The following MARCHF3 variants were observed in gnomAD, a reference collection of about 807,000 sequenced individuals.
The protein encoded by MARCHF3 is membrane associated ring-CH-type finger 3.
In MARCHF3, 13 loss-of-function variants were observed where a neutral mutation model predicts 24.2. The ratio of observed to expected loss-of-function variants is 0.54; its 90% confidence interval spans 0.35 to 0.85. The LOEUF is 0.85. Among genes scored for constraint, MARCHF3 ranks in the 40% least tolerant of loss-of-function variants. MARCHF3 has a pLI of 0.01. For synonymous variants in MARCHF3, 144 were observed against 137.3 expected (o/e 1.05, Z -0.34); for missense variants, 276 against 325.0 (o/e 0.85, Z 1.16).
At chr5:126,989,584 C>T (rs1041345357) in intron 1 of MARCHF3, among the ~76,000 whole-genome samples, 51 of 152,216 alleles carry the variant, frequency 3.4e-4, no homozygotes, top group African/African-American at 1.2e-3. Flanking sequence ...AATAGCTCCA[C>T]AGGCAGGGGC....
At chr5:127,027,011 C>T (rs1397074353) in intron 1 of MARCHF3, among the ~76,000 whole-genome samples, 2 of 152,152 alleles carry the variant, frequency 1.3e-5, no homozygotes, top group Non-Finnish European at 2.9e-5. Context: ...CTGATAGATC[C>T]TTTCTCTTTC....
chr5:127,021,351 AT>A (rs1488524805), intron 1 of MARCHF3, among the ~76,000 whole-genome samples: 1 of 152,228 alleles, frequency 6.6e-6, no homozygotes, highest in Non-Finnish European at 1.5e-5. Flanking sequence ...AAGAAACCAA[AT>A]TAACCATTCC....
chr5:127,013,876 C>T (rs962692266), intron 1 of MARCHF3, among the ~76,000 whole-genome samples: 34 of 152,052 alleles, frequency 2.2e-4, no homozygotes, highest in African/African-American at 8.0e-4. Flanking sequence ...TAGATCCTAC[C>T]TCTGCCCCTA....
intron 1 of MARCHF3, among the ~76,000 whole-genome samples, chr5:127,022,622 C>A (rs571720892): frequency 6.6e-6 from 1 of 152,294 alleles, no homozygotes; most frequent in Admixed American, 6.5e-5. Context: ...GTTCTACACT[C>A]TCATCTGGAA....
chr5:126,962,813 CTGTGTG>C (rs60754212), intron 1 of MARCHF3, among the ~76,000 whole-genome samples: 1 of 110,024 alleles, frequency 9.1e-6, no homozygotes, highest in Admixed American at 1.0e-4. Context: ...AATACTCAAC[CTGTGTG>C]TGTGTGTGTG....
At chr5:127,013,461 T>G (rs1344385622) in intron 1 of MARCHF3, among the ~76,000 whole-genome samples, 1 of 152,178 alleles carries the variant, frequency 6.6e-6, no homozygotes, top group Non-Finnish European at 1.5e-5. Context: ...AATGATACAT[T>G]GACCCAGCCC....
chr5:126,981,714 G>A (rs919101061), intron 1 of MARCHF3, among the ~76,000 whole-genome samples: 2 of 152,164 alleles, frequency 1.3e-5, no homozygotes, highest in Admixed American at 6.5e-5. Flanking sequence ...ATTGAGAATT[G>A]TCCAACCTTT....
chr5:126,882,289 C>T (rs1390431249), intron 3 of MARCHF3, among the ~76,000 whole-genome samples: 1 of 152,112 alleles, frequency 6.6e-6, no homozygotes, highest in Non-Finnish European at 1.5e-5. Context: ...TAAGTCCTGC[C>T]GTTTTATTGG....
intron 1 of MARCHF3, among the ~76,000 whole-genome samples, chr5:126,958,551 G>C (rs763752113): frequency 6.6e-6 from 1 of 151,930 alleles, no homozygotes; most frequent in Non-Finnish European, 1.5e-5. Context: ...AGTTACTTCT[G>C]ATCTAATCTG....
intron 1 of MARCHF3, among the ~76,000 whole-genome samples, chr5:126,967,101 A>G (rs1750846782): frequency 6.7e-6 from 1 of 150,248 alleles, no homozygotes; most frequent in Non-Finnish European, 1.5e-5. Context: ...TTGTTTTTCT[A>G]TTGGAGTTGT....
intron 1 of MARCHF3, among the ~76,000 whole-genome samples, chr5:126,941,204 G>T (rs1322928567): frequency 5.3e-5 from 8 of 152,166 alleles, no homozygotes; most frequent in Non-Finnish European, 1.0e-4. Flanking sequence ...TTCAAAGAAG[G>T]TATGTTTAGA....
intron 1 of MARCHF3, among the ~76,000 whole-genome samples, chr5:127,017,031 G>A (rs1351189161): frequency 2.6e-5 from 4 of 152,066 alleles, no homozygotes; most frequent in African/African-American, 7.2e-5. Flanking sequence ...ACCAAACACC[G>A]CATGTTCTCA....
intron 2 of MARCHF3, among the ~76,000 whole-genome samples, 176 bp from the exon 3 acceptor site, chr5:126,915,310 G>T (rs1419149511): frequency 6.6e-6 from 1 of 152,176 alleles, no homozygotes; most frequent in Non-Finnish European, 1.5e-5. Context: ...AGAGCACTTG[G>T]GTCACCTACT....
intron 1 of MARCHF3, among the ~76,000 whole-genome samples, chr5:126,929,316 G>C (rs1313756678): frequency 1.3e-5 from 2 of 152,128 alleles, no homozygotes. Flanking sequence ...GCTCATAGAT[G>C]GTACTGTCTA....
chr5:126,960,287 T>C (rs1027855871), intron 1 of MARCHF3, among the ~76,000 whole-genome samples: 1 of 152,160 alleles, frequency 6.6e-6, no homozygotes, highest in African/African-American at 2.4e-5. Flanking sequence ...ATTCTCTCAG[T>C]TGACACATGA....
intron 1 of MARCHF3, among the ~76,000 whole-genome samples, chr5:127,024,602 T>C (rs1018409518): frequency 3.9e-5 from 6 of 152,226 alleles, no homozygotes; most frequent in Admixed American, 2.0e-4. Flanking sequence ...GTTAATTAAT[T>C]TCAGCTCACT....
chr5:126,991,149 A>C (rs1751744088), intron 1 of MARCHF3, among the ~76,000 whole-genome samples: 2 of 152,260 alleles, frequency 1.3e-5, no homozygotes, highest in South Asian at 4.1e-4. Context: ...GAACCAACCC[A>C]AATGTCCATC....
At chr5:126,956,645 CAAAAAAAAAAAAAAAAA>C (rs60640113) in intron 1 of MARCHF3, among the ~76,000 whole-genome samples, 1 of 20,598 alleles carries the variant, frequency 4.9e-5, no homozygotes, top group Non-Finnish European at 1.5e-4. Flanking sequence ...GCTCTGTCTC[CAAAAAAAAAAAAAAAAA>C]AAAAAAAAAC....
rs1014788247 is a variant in MARCHF3 at position 126,870,550 on chromosome 5, G to A, written c.*83C>T. On this transcript the variant is annotated 3_prime_UTR_variant, in exon 5 of 5. Transcript: ENST00000308660. Reference sequence around the variant, plus strand: ...GACCCACAGGCTTAAGGAAGGGCTTGGGGGTCGCTCAGTGCATGACCCCAG... The same window carrying A: ...GACCCACAGGCTTAAGGAAGGGCTTAGGGGTCGCTCAGTGCATGACCCCAG... 2 of 1,300,076 alleles carry A rather than the reference G, an allele frequency of 1.5e-6. No homozygotes were observed. The highest frequency in any genetic ancestry group is 2.2e-6 in the Non-Finnish European group (2 of 912,144). 80.5% of individuals were successfully genotyped at this position (1,300,076 alleles called of 1,614,324 possible).
Sources: gnomAD v4.1 joint callset for allele counts (sites outside exome capture counted in the v4.1 genomes callset) on GRCh38, gnomAD v4.1.1 for gene constraint, MANE v1.5 for transcripts, NCBI Gene and HGNC (gene_info 2026-07-23, HGNC 2026-07-21) for gene names.